RGS8: variants seen among roughly 807,000 people sequenced by gnomAD.
RGS8 encodes the protein regulator of G protein signaling 8.
In RGS8, 8 loss-of-function variants were observed where a neutral mutation model predicts 21.7. The ratio of observed to expected loss-of-function variants is 0.37; its 90% CI spans 0.22 to 0.66. The LOEUF (loss-of-function observed/expected upper bound fraction) is 0.66. Ranked by LOEUF, RGS8 falls within the 30% of genes least tolerant of loss-of-function variation. The pLI is 0.59. For synonymous variants in RGS8, 80 were observed against 83.6 expected (o/e 0.96, Z 0.24); for missense variants, 157 against 217.9 (o/e 0.72, Z 1.76).
the RGS8 span, among the ~76,000 whole-genome samples, chr1:182,696,760 C>A: frequency 6.6e-6 from 1 of 152,302 alleles, no homozygotes; most frequent in East Asian, 1.9e-4. Flanking sequence ...AAATAATCAC[C>A]ATTTGTTATT....
chr1:182,657,382 T>G (rs137866601), intron 5 of RGS8, among the ~76,000 whole-genome samples: 21 of 152,278 alleles, frequency 1.4e-4, no homozygotes, highest in Admixed American at 9.2e-4. Context: ...TGAACTGTAG[T>G]TGGTTCCAAA....
the RGS8 span, among the ~76,000 whole-genome samples, chr1:182,752,026 C>CT: frequency 6.6e-6 from 1 of 152,202 alleles, no homozygotes; most frequent in South Asian, 2.1e-4. Flanking sequence ...CTTCTGTCAC[C>CT]TATCTGACCC....
At chr1:182,727,275 T>C in the RGS8 span, among the ~76,000 whole-genome samples, 2 of 152,354 alleles carry the variant, frequency 1.3e-5, no homozygotes, top group South Asian at 4.1e-4. Context: ...ATCTGTAGAA[T>C]GAGCTAATAA....
the RGS8 span, among the ~76,000 whole-genome samples, chr1:182,740,927 A>T: frequency 6.6e-6 from 1 of 152,180 alleles, no homozygotes; most frequent in Non-Finnish European, 1.5e-5. Context: ...AGTACAGAAC[A>T]AAATGAAAAG....
intron 5 of RGS8, among the ~76,000 whole-genome samples, chr1:182,659,059 A>G (rs549137526): frequency 2.6e-5 from 4 of 152,346 alleles, no homozygotes; most frequent in Admixed American, 2.0e-4. Context: ...TAGGACTTGA[A>G]GATTGTTAAA....
chr1:182,742,142 G>A, the RGS8 span, among the ~76,000 whole-genome samples: 1 of 150,240 alleles, frequency 6.7e-6, no homozygotes, highest in African/African-American at 2.4e-5. Context: ...CAGACGATGG[G>A]CGGCCGGGCA....
At chr1:182,692,313 T>C in the RGS8 span, among the ~76,000 whole-genome samples, 3 of 152,026 alleles carry the variant, frequency 2.0e-5, no homozygotes, top group Admixed American at 6.6e-5. Flanking sequence ...GTTAGTAGCA[T>C]TTCTATACAC....
At chr1:182,718,310 A>G in the RGS8 span, among the ~76,000 whole-genome samples, 1 of 152,228 alleles carries the variant, frequency 6.6e-6, no homozygotes, top group African/African-American at 2.4e-5. Flanking sequence ...GCAGAACCCA[A>G]AAAGAAACAG....
At chr1:182,681,585 G>A (rs1342135677) in intron 1 of RGS8, among the ~76,000 whole-genome samples, 1 of 152,220 alleles carries the variant, frequency 6.6e-6, no homozygotes, top group African/African-American at 2.4e-5. Flanking sequence ...ACAGCAGCAG[G>A]GAATAGTGGA....
chr1:182,720,815 G>C, the RGS8 span, among the ~76,000 whole-genome samples: 3 of 150,630 alleles, frequency 2.0e-5, no homozygotes, highest in African/African-American at 7.3e-5. Context: ...TTGCGTGCAT[G>C]TATGTGTATA....
the RGS8 span, among the ~76,000 whole-genome samples, chr1:182,733,190 T>C: frequency 4.6e-5 from 7 of 152,256 alleles, no homozygotes; most frequent in Admixed American, 6.5e-5. Context: ...CAGTGTCTGG[T>C]ACATGTGTTA....
chr1:182,742,466 C>G, the RGS8 span, among the ~76,000 whole-genome samples: 1 of 152,044 alleles, frequency 6.6e-6, no homozygotes, highest in Non-Finnish European at 1.5e-5. Context: ...ACTGAGTGAA[C>G]GAGACTCCGT....
the RGS8 span, among the ~76,000 whole-genome samples, chr1:182,705,725 A>G: frequency 7.4e-6 from 1 of 135,570 alleles, no homozygotes; most frequent in Non-Finnish European, 1.6e-5. Context: ...TCCATTTTAA[A>G]CAAGACAGTA....
At chr1:182,660,157 A>G (rs1020129434) in intron 5 of RGS8, among the ~76,000 whole-genome samples, 1 of 152,230 alleles carries the variant, frequency 6.6e-6, no homozygotes, top group African/African-American at 2.4e-5. Context: ...AGAAGTCATC[A>G]TGATTAGCAT....
the RGS8 span, among the ~76,000 whole-genome samples, chr1:182,738,067 A>G: frequency 6.6e-6 from 1 of 152,376 alleles, no homozygotes; most frequent in Non-Finnish European, 1.5e-5. Context: ...AAATGTTGTG[A>G]TAATTTGTTA....
chr1:182,655,748 A>G (rs1221805581), intron 5 of RGS8, among the ~76,000 whole-genome samples: 1 of 152,186 alleles, frequency 6.6e-6, no homozygotes, highest in Non-Finnish European at 1.5e-5. Context: ...TCCTCATGGC[A>G]ACTTAAATTA....
the RGS8 span, among the ~76,000 whole-genome samples, chr1:182,690,748 T>C: frequency 0.012 from 1,835 of 152,334 alleles, 14 homozygotes; most frequent in Middle Eastern, 0.034. Flanking sequence ...ATTGTTGAAG[T>C]GATGGCCCTT....
At chr1:182,675,846 T>A (rs1202719996), upstream of RGS8, among the ~76,000 whole-genome samples, 1 of 152,210 alleles carries the variant, frequency 6.6e-6, no homozygotes, top group Non-Finnish European at 1.5e-5. Context: ...TTTCTGAGCC[T>A]CTCAACTGAC....
chr1:182,735,198 A>T, the RGS8 span, among the ~76,000 whole-genome samples: 1 of 152,158 alleles, frequency 6.6e-6, no homozygotes, highest in Non-Finnish European at 1.5e-5. Context: ...AATTTTTTTT[A>T]AAAGCACTTA....
Sources: allele counts gnomAD v4.1 joint callset (sites outside exome capture counted in the v4.1 genomes callset), GRCh38; gene constraint gnomAD v4.1.1; transcripts MANE v1.5; gene names NCBI Gene and HGNC (gene_info 2026-07-23, HGNC 2026-07-21).